BLOC1S5: variants seen among roughly 807,000 people sequenced by gnomAD.
BLOC1S5 encodes biogenesis of lysosome-related organelles complex 1 subunit 5.
BLOC1S5 carries 27 observed loss-of-function variants against 24.3 expected under a neutral mutation model. The ratio of observed to expected loss-of-function variants is 1.11; its 90% confidence interval spans 0.82 to 1.53. BLOC1S5 has a LOEUF of 1.53. Among genes scored for constraint, BLOC1S5 ranks in the 40% most tolerant of loss-of-function variants. The probability of loss-of-function intolerance (pLI) is 0.00; values close to 1 mark genes in which losing one functional copy is unlikely to be tolerated. For missense variants in BLOC1S5, 239 were observed against 229.4 expected (o/e 1.04, Z -0.27); for synonymous variants, 84 against 74.5 (o/e 1.13, Z -0.66).
intron 3 of BLOC1S5, among the ~76,000 whole-genome samples, chr6:8,040,654 A>G (rs1763645968): frequency 6.6e-6 from 1 of 152,072 alleles, no homozygotes; most frequent in African/African-American, 2.4e-5. Context: ...TCAAGAGATC[A>G]AGACCACCTT....
At chr6:8,018,446 A>C (rs747299823) in intron 4 of BLOC1S5, among the ~76,000 whole-genome samples, 1 of 152,358 alleles carries the variant, frequency 6.6e-6, no homozygotes, top group Non-Finnish European at 1.5e-5. Flanking sequence ...ATGGAAAGTC[A>C]TCATTGGCTC....
intron 3 of BLOC1S5, among the ~76,000 whole-genome samples, chr6:8,033,400 G>A (rs1273808079): frequency 6.6e-6 from 1 of 152,130 alleles, no homozygotes; most frequent in Non-Finnish European, 1.5e-5. Context: ...TTTAATAAAT[G>A]GTGCTGGGAA....
chr6:8,058,357 GAAAAA>G (rs60827828), intron 2 of BLOC1S5, among the ~76,000 whole-genome samples: 53 of 84,530 alleles, frequency 6.3e-4, no homozygotes, highest in African/African-American at 1.6e-3. Flanking sequence ...CTGTCTCTAT[GAAAAA>G]AAAAAAAAAA....
chr6:8,049,393 A>C (rs113134530), intron 2 of BLOC1S5, among the ~76,000 whole-genome samples: 3,521 of 152,014 alleles, frequency 0.023, 136 homozygotes, highest in African/African-American at 0.079. Flanking sequence ...GAAAGGAAAG[A>C]AAGAACGTGG....
intron 4 of BLOC1S5, among the ~76,000 whole-genome samples, chr6:8,020,155 C>CT (rs1359664741): frequency 6.6e-6 from 1 of 152,114 alleles, no homozygotes; most frequent in Non-Finnish European, 1.5e-5. Flanking sequence ...TATAGAATAT[C>CT]TTTTTAAAGA....
rs1026766862 is a variant in BLOC1S5 at position 8,051,345 on chromosome 6, A to G, written c.196-10077T>C. Reference sequence around the variant, plus strand: ...TAATTGAGAGGAAGGCCCTAACTCTATTCAATCCTATGAAGGTTGAGAGAG... The same window carrying G: ...TAATTGAGAGGAAGGCCCTAACTCTGTTCAATCCTATGAAGGTTGAGAGAG... On this transcript the variant is annotated intron_variant, in intron 2 of 4. Coordinates refer to ENST00000397457, the MANE Select transcript of BLOC1S5 (RefSeq NM_201280.3). 7.9e-5 allele frequency among the ~76,000 whole-genome samples: 12 copies of G among 152,328 alleles called. No individual in the cohort carries two copies. In the East Asian group the frequency reaches 2.3e-3, roughly 29 times the overall value.
chr6:8,047,095 T>C (rs1763926984), intron 2 of BLOC1S5, among the ~76,000 whole-genome samples: 1 of 149,174 alleles, frequency 6.7e-6, no homozygotes, highest in Non-Finnish European at 1.5e-5. Flanking sequence ...CAACATATAT[T>C]AATATCTTTA....
rs1355957672 is a variant in BLOC1S5, at chr6:8,014,838, A to G, written c.*811T>C. The G allele has an allele frequency of 2.0e-5, 3 of 152,614 alleles. No individual in the cohort carries two copies. Among genetic ancestry groups the G allele is most frequent in the Non-Finnish European group, 2.9e-5 (2 of 68,048 alleles). The allele number at this position is 152,614 out of a possible 1,614,324, so 9.5% of individuals were successfully genotyped here. A position where few individuals can be genotyped will look rare whatever the true frequency, so the allele number is the denominator to read the frequency against. ...CATGTATAGACATTATTTATCTTAT[A>G]AAGCTTACCCACAGCAAAACAGACA... is the stretch of plus-strand genomic sequence containing the variant. On this transcript the variant is annotated 3_prime_UTR_variant, in exon 5 of 5. Coordinates refer to ENST00000397457, the MANE Select transcript of BLOC1S5 (RefSeq NM_201280.3).
chr6:8,038,743 C>T (rs557241848), intron 3 of BLOC1S5, among the ~76,000 whole-genome samples: 6 of 152,280 alleles, frequency 3.9e-5, no homozygotes, highest in South Asian at 2.1e-4. Context: ...CTCGGCCTCC[C>T]AAAGTGCTGG....
At chr6:8,026,519 G>A (rs1054804471) in intron 3 of BLOC1S5, 94 bp from the exon 4 acceptor site, 1 of 980,826 alleles carries the variant, frequency 1.0e-6, no homozygotes, top group Non-Finnish European at 1.6e-6. Context: ...TACATGAATT[G>A]TTTTAGATCT....
chr6:8,015,523 T>C lies in BLOC1S5; in HGVS notation c.*126A>G. ...AATGCCAGTAGAAACTTCTTTCTTC[T>C]GATATAAGAGTGCCACTGAATATAT... On this transcript the variant is annotated 3_prime_UTR_variant, in exon 5 of 5. Coordinates refer to ENST00000397457, the MANE Select transcript of BLOC1S5 (RefSeq NM_201280.3). 1.1e-6 allele frequency: 1 copy of C among 948,086 alleles called. No individual in the cohort carries two copies. The highest frequency in any genetic ancestry group is 2.8e-5 in the Admixed American group (1 of 35,594). 58.7% of individuals were successfully genotyped at this position (948,086 alleles called of 1,614,324 possible). A position where few individuals can be genotyped will look rare whatever the true frequency, so the allele number is the denominator to read the frequency against.
intron 3 of BLOC1S5, among the ~76,000 whole-genome samples, chr6:8,040,753 G>C (rs1763650001): frequency 6.6e-6 from 1 of 152,090 alleles, no homozygotes; most frequent in Non-Finnish European, 1.5e-5. Context: ...CTACTCAGGA[G>C]GCTGAGGCAC....
chr6:8,020,323 G>A (rs1312364290), intron 4 of BLOC1S5, among the ~76,000 whole-genome samples: 3 of 152,218 alleles, frequency 2.0e-5, no homozygotes, highest in Non-Finnish European at 4.4e-5. Flanking sequence ...GGGCAGAGGA[G>A]CAGCAGGTGT....
chr6:8,035,849 A>C (rs1186099271), intron 3 of BLOC1S5, among the ~76,000 whole-genome samples: 2 of 152,144 alleles, frequency 1.3e-5, no homozygotes, highest in Admixed American at 1.3e-4. Flanking sequence ...TCAACAGAGA[A>C]ACATTGGAGA....
chr6:8,030,745 G>A (rs993407303), intron 3 of BLOC1S5, among the ~76,000 whole-genome samples: 9 of 151,162 alleles, frequency 6.0e-5, no homozygotes, highest in African/African-American at 1.9e-4. Flanking sequence ...TGTGGCAGGC[G>A]CCTGTAATCC....
At chr6:8,029,126 ACACACGT>A (rs1364875088) in intron 3 of BLOC1S5, among the ~76,000 whole-genome samples, 43 of 152,098 alleles carry the variant, frequency 2.8e-4, no homozygotes, top group African/African-American at 9.2e-4. Flanking sequence ...AACCTCAAAT[ACACACGT>A]AAGAAAATAA....
chr6:8,063,742 T>C (rs1398200811), intron 1 of BLOC1S5, among the ~76,000 whole-genome samples: 2 of 152,180 alleles, frequency 1.3e-5, no homozygotes, highest in East Asian at 3.9e-4. Flanking sequence ...GGTTGTAACC[T>C]TCTCCCAGCT....
At chr6:8,018,980 T>TAG in intron 4 of BLOC1S5, among the ~76,000 whole-genome samples, 1 of 152,356 alleles carries the variant, frequency 6.6e-6, no homozygotes, top group Admixed American at 6.5e-5. Context: ...ACAAGAACAG[T>TAG]CTTTAAGACG....
chr6:8,035,280 A>ATC (rs1763447404), intron 3 of BLOC1S5, among the ~76,000 whole-genome samples: 1 of 151,814 alleles, frequency 6.6e-6, no homozygotes, highest in Non-Finnish European at 1.5e-5. Context: ...TTAAGAACTT[A>ATC]TCCATATACC....
Sources: allele counts gnomAD v4.1 joint callset (sites outside exome capture counted in the v4.1 genomes callset), GRCh38; gene constraint gnomAD v4.1.1; transcripts MANE v1.5; gene names NCBI Gene and HGNC (gene_info 2026-07-23, HGNC 2026-07-21).